The following SLC15A1 variants were observed in gnomAD, a reference collection of about 807,000 sequenced individuals.
SLC15A1 encodes Caco-2 oligopeptide transporter.
A neutral mutation model predicts 92.9 loss-of-function variants in SLC15A1; 83 were observed. The ratio of observed to expected loss-of-function variants is 0.89; its 90% confidence interval spans 0.75 to 1.07. SLC15A1 has a LOEUF of 1.07. SLC15A1 is among the 50% of genes least tolerant of loss of function. The pLI is 0.00. For synonymous variants in SLC15A1, 322 were observed against 318.2 expected (o/e 1.01, Z -0.13); for missense variants, 857 against 880.1 (o/e 0.97, Z 0.33).
intron 1 of SLC15A1, among the ~76,000 whole-genome samples, chr13:98,734,351 C>A (rs2088373432): frequency 6.6e-6 from 1 of 152,124 alleles, no homozygotes; most frequent in African/African-American, 2.4e-5. Context: ...GTCTGCAGGT[C>A]TCAGCGTGAT....
chr13:98,708,970 T>C (rs2088138144), intron 14 of SLC15A1, among the ~76,000 whole-genome samples: 1 of 147,588 alleles, frequency 6.8e-6, no homozygotes, highest in Admixed American at 6.7e-5. Context: ...ATATTTACTT[T>C]TTTTTTTTTT....
chr13:98,726,053 C>T, intron 4 of SLC15A1, 70 bp downstream of exon 4: 1 of 1,563,848 alleles, frequency 6.4e-7, no homozygotes, highest in Non-Finnish European at 8.7e-7. Flanking sequence ...CCAGATTCCA[C>T]CATTCCCAAC....
chr13:98,700,773 T>C (rs1379336087), intron 18 of SLC15A1, among the ~76,000 whole-genome samples: 2 of 152,332 alleles, frequency 1.3e-5, no homozygotes, highest in Non-Finnish European at 2.9e-5. Flanking sequence ...TTATTACATA[T>C]GAATGTTCAA....
At chr13:98,690,821 TG>T (rs2087969332) in intron 18 of SLC15A1, among the ~76,000 whole-genome samples, 1 of 152,076 alleles carries the variant, frequency 6.6e-6, no homozygotes, top group Non-Finnish European at 1.5e-5. Context: ...GAGGCAACTG[TG>T]ACACAATGGT....
intron 1 of SLC15A1, among the ~76,000 whole-genome samples, chr13:98,736,425 G>A (rs1396512781): frequency 6.6e-6 from 1 of 152,134 alleles, no homozygotes; most frequent in Non-Finnish European, 1.5e-5. Flanking sequence ...CAGGACATAG[G>A]CATGGGCAAG....
In SLC15A1 at chr13:98,714,379, T is replaced by A. The variant is rs1328472659; in HGVS notation, c.723+1499A>T. On this transcript the variant is annotated intron_variant, in intron 9 of 22. Transcript: ENST00000376503. ...ACAATACAACAATCTAATAGTACAATACAATTGAAATATAATACAATAATC... is the reference window on the plus strand; with the variant it reads ...ACAATACAACAATCTAATAGTACAAAACAATTGAAATATAATACAATAATC... Among the ~76,000 whole-genome samples the A allele has an allele frequency of 2.0e-5, 3 of 152,012 alleles. No individual in the cohort carries two copies. In the East Asian group the frequency reaches 5.8e-4, roughly 30 times the overall value.
At chr13:98,716,141 A>C (rs1362374721) in intron 8 of SLC15A1, among the ~76,000 whole-genome samples, 181 bp from the exon 9 acceptor site, 1 of 152,142 alleles carries the variant, frequency 6.6e-6, no homozygotes, top group Admixed American at 6.5e-5. Context: ...ATCCACAAAA[A>C]CCTCTGAGTA....
intron 9 of SLC15A1, among the ~76,000 whole-genome samples, chr13:98,713,461 T>C (rs978904770): frequency 2.6e-5 from 4 of 152,216 alleles, no homozygotes; most frequent in African/African-American, 9.6e-5. Context: ...CACTAAGTTG[T>C]TTCAAACATA....
At chr13:98,685,867 G>T (rs377249721) in intron 22 of SLC15A1, among the ~76,000 whole-genome samples, 208 of 151,950 alleles carry the variant, frequency 1.4e-3, no homozygotes, top group African/African-American at 5.0e-3. Context: ...GTGCCTGTAG[G>T]CTCAGCTACT....
At chr13:98,746,377 G>A (rs1409713227) in intron 1 of SLC15A1, among the ~76,000 whole-genome samples, 1 of 151,984 alleles carries the variant, frequency 6.6e-6, no homozygotes, top group East Asian at 1.9e-4. Context: ...ATTTTTTTGG[G>A]TATATACCCC....
intron 1 of SLC15A1, 94 bp downstream of exon 1, chr13:98,752,501 C>G: frequency 8.6e-7 from 1 of 1,159,320 alleles, no homozygotes; most frequent in Non-Finnish European, 1.1e-6. Context: ...CCCGCCGCCG[C>G]GTACCCTTCG....
chr13:98,697,499 T>C lies in SLC15A1; in HGVS notation c.1466+4981A>G, dbSNP rs1266093065. Among the ~76,000 whole-genome samples the C allele has an allele frequency of 3.3e-5, 5 of 151,386 alleles. No homozygotes were observed. The East Asian group carries it at 9.7e-4, about 29-fold the overall frequency. On this transcript the variant is annotated intron_variant, in intron 18 of 22. Coordinates refer to ENST00000376503, the MANE Select transcript of SLC15A1 (RefSeq NM_005073.4). Reference sequence around the variant, plus strand: ...AAGACCCTCTTGCTGGCAAGATGAATACAATTATAGCCATGTTTAGTTACA... The same window carrying C: ...AAGACCCTCTTGCTGGCAAGATGAACACAATTATAGCCATGTTTAGTTACA...
intron 18 of SLC15A1, among the ~76,000 whole-genome samples, chr13:98,700,798 A>G (rs1200235877): frequency 3.3e-5 from 5 of 152,166 alleles, no homozygotes; most frequent in East Asian, 3.8e-4. Flanking sequence ...TTCAACACTG[A>G]TTGTTGAAAA....
intron 10 of SLC15A1, 70 bp downstream of exon 10, chr13:98,712,428 C>A: frequency 8.2e-7 from 1 of 1,217,640 alleles, no homozygotes. Context: ...TAACCTTAAT[C>A]TGAATTGAGA....
intron 1 of SLC15A1, among the ~76,000 whole-genome samples, chr13:98,747,828 C>A (rs2088506851): frequency 6.6e-6 from 1 of 152,116 alleles, no homozygotes; most frequent in Admixed American, 6.6e-5. Context: ...TTGCTGTGAG[C>A]CGAGATTGTG....
chr13:98,728,462 A>G (rs186647059), intron 1 of SLC15A1, among the ~76,000 whole-genome samples: 55 of 152,334 alleles, frequency 3.6e-4, no homozygotes, highest in East Asian at 2.5e-3. Flanking sequence ...CCAGGCACAG[A>G]AAGATAGATA....
intron 1 of SLC15A1, among the ~76,000 whole-genome samples, chr13:98,737,147 G>A (rs2088401415): frequency 6.6e-6 from 1 of 152,198 alleles, no homozygotes; most frequent in African/African-American, 2.4e-5. Context: ...TATACACCAT[G>A]GAATACTATT....
intron 3 of SLC15A1, 29 bp from the exon 4 acceptor site, chr13:98,726,293 G>C: frequency 6.2e-7 from 1 of 1,613,554 alleles, no homozygotes; most frequent in Non-Finnish European, 8.5e-7. Flanking sequence ...GGAAGAGGAG[G>C]GGGAAACAAA....
chr13:98,751,897 A>T (rs2088549005), intron 1 of SLC15A1, among the ~76,000 whole-genome samples: 1 of 152,232 alleles, frequency 6.6e-6, no homozygotes, highest in Non-Finnish European at 1.5e-5. Flanking sequence ...TTAAGAAAGC[A>T]GCGGGCTGGG....
Sources: gnomAD v4.1 joint callset for allele counts (sites outside exome capture counted in the v4.1 genomes callset) on GRCh38, gnomAD v4.1.1 for gene constraint, MANE v1.5 for transcripts, NCBI Gene and HGNC (gene_info 2026-07-23, HGNC 2026-07-21) for gene names.